The following RPS6KA6 variants were observed in gnomAD, a reference collection of about 807,000 sequenced individuals.
The protein encoded by RPS6KA6 is ribosomal protein S6 kinase A6.
A neutral mutation model predicts 65.4 loss-of-function variants in RPS6KA6; 27 were observed. The observed-to-expected ratio is 0.41, with a 90% CI of 0.30 to 0.57. The LOEUF (loss-of-function observed/expected upper bound fraction) is 0.57, where lower values mean the gene tolerates loss of function less well. RPS6KA6 is among the 20% of genes least tolerant of loss of function. RPS6KA6 has a pLI of 0.24. For synonymous variants in RPS6KA6, 190 were observed against 184.2 expected, an observed-to-expected ratio of 1.03 and a Z score of -0.26; for missense variants, 486 against 555.6, an observed-to-expected ratio of 0.87 and a Z score of 1.26.
At chrX:84,155,479 T>C (rs1386388084) in intron 3 of RPS6KA6, among the ~76,000 whole-genome samples, 1 of 112,086 alleles carries the variant, frequency 8.9e-6, no homozygotes, top group Non-Finnish European at 1.9e-5. Context: ...AAAACCATGT[T>C]ATTAAGTGCT....
intron 6 of RPS6KA6, among the ~76,000 whole-genome samples, chrX:84,135,779 G>A (rs1174298590): frequency 9.0e-6 from 1 of 111,121 alleles, no homozygotes; most frequent in Admixed American, 9.6e-5. Flanking sequence ...ACTCATCTCT[G>A]ACCTAAGGGG....
At position 84,105,914 on chromosome X, in the gene RPS6KA6, C is replaced by G. The variant is rs376350814; in HGVS notation, c.1366-38G>C. 16 of 791,564 alleles carry G rather than the reference C, an allele frequency of 2.0e-5. No individual in the cohort carries two copies. The Admixed American group carries it at 4.0e-4, about 20-fold the overall frequency. 65.2% of individuals were successfully genotyped at this position (791,564 alleles called of 1,213,427 possible). A position where few individuals can be genotyped will look rare whatever the true frequency, so the allele number is the denominator to read the frequency against. On this transcript the variant is annotated intron_variant, in intron 15 of 21. Coordinates refer to ENST00000262752, the MANE Select transcript of RPS6KA6 (RefSeq NM_014496.5). ...AAAAAAGAAAAATATCTGAGGCAAA[C>G]AAATTATTTTGTCTAAAATGAGTAT...
intron 4 of RPS6KA6, 136 bp from the exon 5 acceptor site, chrX:84,147,194 T>C: frequency 2.5e-6 from 1 of 399,846 alleles, no homozygotes; most frequent in East Asian, 4.1e-5. Flanking sequence ...AGTTTTCATA[T>C]TCCTAGATAA....
At chrX:84,112,098 A>G (rs1484672555) in intron 12 of RPS6KA6, among the ~76,000 whole-genome samples, 1 of 112,255 alleles carries the variant, frequency 8.9e-6, no homozygotes, top group South Asian at 3.7e-4. Context: ...AAGGCATTAT[A>G]TAATGATAAG....
chrX:84,162,054 C>T (rs1244169920), intron 2 of RPS6KA6, among the ~76,000 whole-genome samples: 3 of 111,115 alleles, frequency 2.7e-5, no homozygotes, highest in Non-Finnish European at 5.7e-5. Context: ...TAACTCATGT[C>T]AGCCAACTAC....
intron 18 of RPS6KA6, 60 bp from the exon 19 acceptor site, chrX:84,097,908 GA>G: frequency 1.2e-6 from 1 of 836,253 alleles, no homozygotes; most frequent in East Asian, 3.4e-5. Context: ...TTCTCCCAAA[GA>G]AGTTGTTTTA....
Position 84,187,829 on chromosome X carries a change from C to G in RPS6KA6, c.71G>C (p.Ser24Thr), listed in dbSNP as rs1272749629. Residue 24 changes from serine to threonine, a missense_variant, in exon 1 of 22, where the codon AGC (serine) becomes ACC (threonine). Coordinates refer to ENST00000262752, the MANE Select transcript of RPS6KA6 (RefSeq NM_014496.5). ...GGCCACCACACTAACCTCGCCGCTG[C>G]TCGCGCCGCCGCCGCTGAACACTTC... The part of the protein sequence containing the change: ...EMEVFSGGGA[S>T]SGEVNGLKMV... The G allele has an allele frequency of 8.3e-7, 1 of 1,204,608 alleles. No homozygotes were observed. Among genetic ancestry groups the G allele is most frequent in the Non-Finnish European group, 1.1e-6 (1 of 892,213 alleles).
rs2035950219 is a variant in RPS6KA6 at position 84,187,972 on chromosome X, T to C, written c.-73A>G. 3.8e-6 allele frequency: 3 copies of C among 789,543 alleles called. No homozygotes were observed. The highest frequency in any genetic ancestry group is 8.7e-5 in the Admixed American group (2 of 22,978). The allele number at this position is 789,543 out of a possible 1,213,427, so 65.1% of individuals were successfully genotyped here. On this transcript the variant is annotated 5_prime_UTR_variant, in exon 1 of 22. Transcript: ENST00000262752. ...CGGCCGCGCATCCTGTCTATTGAAC[T>C]GGCCCGCCGCCGCCGCCGCCGCCGC...
chrX:84,064,038 G>T lies in RPS6KA6; in HGVS notation c.*239C>A, dbSNP rs2033345793. ...AGCTTGTGTGCAGAGAAGTTGTGAG[G>T]ACCTGGTGGACACCAATTATATGCT... On this transcript the variant is annotated 3_prime_UTR_variant, in exon 22 of 22. Coordinates refer to ENST00000262752, the MANE Select transcript of RPS6KA6 (RefSeq NM_014496.5). The T allele has an allele frequency of 3.3e-6, 1 of 305,982 alleles. No individual in the cohort carries two copies. The highest frequency in any genetic ancestry group is 5.6e-6 in the Non-Finnish European group (1 of 177,471). The allele number at this position is 305,982 out of a possible 1,213,427, so 25.2% of individuals were successfully genotyped here.
intron 1 of RPS6KA6, among the ~76,000 whole-genome samples, chrX:84,182,036 G>C (rs867818157): frequency 1.1e-5 from 1 of 89,629 alleles, no homozygotes; most frequent in Non-Finnish European, 2.2e-5. Flanking sequence ...CTCTTTCTCT[G>C]TCTCTCTCTC....
At chrX:84,152,102 T>C (rs987688669) in intron 3 of RPS6KA6, among the ~76,000 whole-genome samples, 3 of 111,439 alleles carry the variant, frequency 2.7e-5, no homozygotes, top group African/African-American at 9.8e-5. Context: ...GCCACTTTTT[T>C]CCCCTAGTTC....
intron 4 of RPS6KA6, among the ~76,000 whole-genome samples, chrX:84,147,756 C>A (rs952936998): frequency 2.7e-5 from 3 of 111,568 alleles, no homozygotes; most frequent in Non-Finnish European, 3.8e-5. Flanking sequence ...AAGGAAAAAC[C>A]AAGAATCTTG....
intron 6 of RPS6KA6, among the ~76,000 whole-genome samples, chrX:84,135,623 G>T (rs561549081): frequency 9.0e-6 from 1 of 111,256 alleles, no homozygotes; most frequent in East Asian, 2.8e-4. Flanking sequence ...TTAGCTCTGA[G>T]AATTCCACTA....
At chrX:84,083,810 A>G (rs2033857559) in intron 20 of RPS6KA6, among the ~76,000 whole-genome samples, 1 of 112,135 alleles carries the variant, frequency 8.9e-6, no homozygotes, top group South Asian at 3.7e-4. Flanking sequence ...GTCTTCCATA[A>G]TGGTTGAACA....
At chrX:84,095,968 A>C (rs2147401454) in intron 20 of RPS6KA6, among the ~76,000 whole-genome samples, 1 of 111,956 alleles carries the variant, frequency 8.9e-6, no homozygotes, top group East Asian at 2.8e-4. Flanking sequence ...GGAACTAGTT[A>C]ATATTCCCTG....
chrX:84,098,624 T>C (rs1422968108), intron 18 of RPS6KA6, among the ~76,000 whole-genome samples: 2 of 110,953 alleles, frequency 1.8e-5, no homozygotes, highest in Non-Finnish European at 3.8e-5. Flanking sequence ...AGGAACAAAA[T>C]AGAAACATTA....
At chrX:84,126,263 A>G in intron 8 of RPS6KA6, among the ~76,000 whole-genome samples, 1 of 111,823 alleles carries the variant, frequency 8.9e-6, no homozygotes, top group Non-Finnish European at 1.9e-5. Flanking sequence ...TCATTATATA[A>G]TGATAAAGGG....
In RPS6KA6 at chrX:84,060,965, G is replaced by T. The variant is rs763654049; in HGVS notation, c.*3312C>A. ...TGGAAATGTCTGTTCTGATAGAATG[G>T]ATATCCTGATTTGGGGAAGAGGAAG... On this transcript the variant is annotated 3_prime_UTR_variant, in exon 22 of 22. Coordinates refer to ENST00000262752, the MANE Select transcript of RPS6KA6 (RefSeq NM_014496.5). 1 of 112,166 alleles carries T rather than the reference G, an allele frequency of 8.9e-6. No homozygotes were observed. Among genetic ancestry groups the T allele is most frequent in the Non-Finnish European group, 1.9e-5 (1 of 53,189 alleles). 9.2% of individuals were successfully genotyped at this position (112,166 alleles called of 1,213,427 possible).
At position 84,183,814 on chromosome X, in the gene RPS6KA6, C is replaced by CCA. The variant is rs2035892147; in HGVS notation, c.81+4004_81+4005insTG. Reference sequence around the variant, plus strand: ...GATCCATTCCTAAACCACCACCACCCCCACCACCACCACCACCACCCCATT... The same window carrying CCA: ...GATCCATTCCTAAACCACCACCACCCCACCACCACCACCACCACCACCCCATT... On this transcript the variant is annotated intron_variant, in intron 1 of 21. Transcript: ENST00000262752. Among the ~76,000 whole-genome samples, 5 of 109,991 alleles carry CCA rather than the reference C, an allele frequency of 4.5e-5. No homozygotes were observed. In the East Asian group the frequency reaches 1.2e-3, roughly 25 times the overall value.
Sources: gnomAD v4.1 joint callset for allele counts (sites outside exome capture counted in the v4.1 genomes callset) on GRCh38, gnomAD v4.1.1 for gene constraint, MANE v1.5 for transcripts, NCBI Gene and HGNC (gene_info 2026-07-23, HGNC 2026-07-21) for gene names.